RNFT2: variants seen among roughly 807,000 people sequenced by gnomAD.
The protein encoded by RNFT2 is E3 ubiquitin-protein ligase RNFT2.
RNFT2 carries 36 observed loss-of-function variants against 53.0 expected under a neutral mutation model. The ratio of observed to expected loss-of-function variants is 0.68; its 90% CI spans 0.52 to 0.90. The LOEUF (loss-of-function observed/expected upper bound fraction) is 0.90, where lower values mean the gene tolerates loss of function less well. Among genes scored for constraint, RNFT2 ranks in the 40% least tolerant of loss-of-function variants. The pLI is 0.00. For synonymous variants in RNFT2, 260 were observed against 253.2 expected (o/e 1.03, Z -0.26); for missense variants, 514 against 585.6 (o/e 0.88, Z 1.26).
At chr12:116,804,912 A>T (rs994198044) in intron 7 of RNFT2, among the ~76,000 whole-genome samples, 1 of 152,196 alleles carries the variant, frequency 6.6e-6, no homozygotes, top group Admixed American at 6.5e-5. Context: ...GGCTGCAGTG[A>T]TCCACGATTA....
At chr12:116,776,116 T>C (rs1392241962) in intron 6 of RNFT2, among the ~76,000 whole-genome samples, 2 of 151,998 alleles carry the variant, frequency 1.3e-5, no homozygotes, top group African/African-American at 4.8e-5. Context: ...AATATATCAG[T>C]CCATTAAAGT....
At chr12:116,785,935 C>T (rs1164218301) in intron 7 of RNFT2, among the ~76,000 whole-genome samples, 2 of 151,912 alleles carry the variant, frequency 1.3e-5, no homozygotes, top group Non-Finnish European at 2.9e-5. Flanking sequence ...GACTGTAGTC[C>T]CAGCTACTCA....
intron 7 of RNFT2, among the ~76,000 whole-genome samples, chr12:116,822,205 T>C (rs1876074818): frequency 6.6e-6 from 1 of 152,074 alleles, no homozygotes; most frequent in African/African-American, 2.4e-5. Flanking sequence ...TCAGTCACAG[T>C]GCTGCCCCCA....
At chr12:116,794,904 T>C (rs1482243002) in intron 7 of RNFT2, among the ~76,000 whole-genome samples, 3 of 152,032 alleles carry the variant, frequency 2.0e-5, no homozygotes, top group African/African-American at 7.3e-5. Flanking sequence ...ATCCTGAGAA[T>C]ATAAAAGTGA....
At chr12:116,781,250 A>G (rs1873684157) in intron 7 of RNFT2, among the ~76,000 whole-genome samples, 1 of 152,010 alleles carries the variant, frequency 6.6e-6, no homozygotes, top group African/African-American at 2.4e-5. Flanking sequence ...TACACCCTCC[A>G]TCTTTCTCAC....
chr12:116,819,905 C>CA (rs1875920439), intron 7 of RNFT2, among the ~76,000 whole-genome samples: 1 of 152,164 alleles, frequency 6.6e-6, no homozygotes, highest in African/African-American at 2.4e-5. Flanking sequence ...TTCTAGTAGT[C>CA]ACGTTAAACA....
intron 7 of RNFT2, among the ~76,000 whole-genome samples, chr12:116,825,988 A>G (rs1346773224): frequency 1.3e-5 from 2 of 152,100 alleles, no homozygotes; most frequent in African/African-American, 4.8e-5. Flanking sequence ...ATACAGAAAA[A>G]AAAAGGTTTC....
chr12:116,744,916 G>A (rs537017253), intron 3 of RNFT2, among the ~76,000 whole-genome samples: 2 of 152,226 alleles, frequency 1.3e-5, no homozygotes, highest in East Asian at 1.9e-4. Context: ...AGAGAGAGTG[G>A]CCTCCTCATG....
chr12:116,825,593 A>T (rs1180406800), intron 7 of RNFT2, among the ~76,000 whole-genome samples: 1 of 152,316 alleles, frequency 6.6e-6, no homozygotes, highest in East Asian at 1.9e-4. Context: ...TTACATTTTC[A>T]TGAAATTTGC....
At chr12:116,820,887 C>T (rs1172944727) in intron 7 of RNFT2, among the ~76,000 whole-genome samples, 2 of 152,160 alleles carry the variant, frequency 1.3e-5, no homozygotes, top group Admixed American at 1.3e-4. Flanking sequence ...AACCGAGAAA[C>T]TCATCACTAA....
rs182989275 is a variant in RNFT2 at position 116,835,317 on chromosome 12, A to G, written c.1033-643A>G. Among the ~76,000 whole-genome samples the G allele has an allele frequency of 2.0e-5, 3 of 152,240 alleles. No homozygotes were observed. In the East Asian group the frequency reaches 5.8e-4, roughly 29 times the overall value. Reference sequence around the variant, plus strand: ...ACCACACTTCTACTGAATGTTTTCTATCTCTCTTACCTCAAAAATAGTATC... The same window carrying G: ...ACCACACTTCTACTGAATGTTTTCTGTCTCTCTTACCTCAAAAATAGTATC... On this transcript the variant is annotated intron_variant, in intron 8 of 10. Coordinates refer to ENST00000257575, the MANE Select transcript of RNFT2 (RefSeq NM_001382266.1).
At chr12:116,818,733 T>C (rs1337249024) in intron 7 of RNFT2, among the ~76,000 whole-genome samples, 1 of 152,238 alleles carries the variant, frequency 6.6e-6, no homozygotes, top group Non-Finnish European at 1.5e-5. Context: ...TCAAGTCACC[T>C]GGGTACAAGT....
At chr12:116,840,657 C>T (rs1877203462) in intron 10 of RNFT2, among the ~76,000 whole-genome samples, 1 of 152,178 alleles carries the variant, frequency 6.6e-6, no homozygotes, top group African/African-American at 2.4e-5. Context: ...CCAACAATAT[C>T]CTAGGCACTA....
chr12:116,768,894 C>A (rs1873044540), intron 6 of RNFT2, among the ~76,000 whole-genome samples: 1 of 151,876 alleles, frequency 6.6e-6, no homozygotes, highest in African/African-American at 2.4e-5. Flanking sequence ...CTACGCCCGG[C>A]TAATTTTTGT....
Position 116,819,737 on chromosome 12 carries a change from C to A in RNFT2, c.883-14055C>A, listed in dbSNP as rs193040393. Among the ~76,000 whole-genome samples, 32 of 152,270 alleles carry A rather than the reference C, an allele frequency of 2.1e-4. No homozygotes were observed. The East Asian group carries it at 6.0e-3, about 28-fold the overall frequency. ...GGCTCGCCCTTCTCTTGCCTTTTTT[C>A]CTTTTTCTTTTGTATTGAGGCATAA... On this transcript the variant is annotated intron_variant, in intron 7 of 10. Transcript: ENST00000257575.
chr12:116,807,539 T>C (rs996806262), intron 7 of RNFT2, among the ~76,000 whole-genome samples: 12 of 152,140 alleles, frequency 7.9e-5, no homozygotes, highest in African/African-American at 2.7e-4. Context: ...GGTATGTAAA[T>C]GACAGGGCTT....
intron 7 of RNFT2, among the ~76,000 whole-genome samples, chr12:116,797,535 T>G (rs11837091): frequency 0.096 from 14,064 of 146,988 alleles, 1,508 homozygotes; most frequent in East Asian, 0.29. Context: ...AGCCTGTCTA[T>G]CTCAAAAAAA....
At chr12:116,767,393 A>AT (rs887133009) in intron 6 of RNFT2, among the ~76,000 whole-genome samples, 35 of 151,616 alleles carry the variant, frequency 2.3e-4, no homozygotes, top group African/African-American at 7.5e-4. Flanking sequence ...TAATTTTTAC[A>AT]TTTTTTGTAG....
intron 7 of RNFT2, among the ~76,000 whole-genome samples, chr12:116,817,089 C>T (rs1426602482): frequency 2.6e-5 from 4 of 152,146 alleles, no homozygotes; most frequent in Non-Finnish European, 4.4e-5. Flanking sequence ...CGCAGCTCAC[C>T]GCAACCTCCA....
Sources: gnomAD v4.1 joint callset for allele counts (sites outside exome capture counted in the v4.1 genomes callset) on GRCh38, gnomAD v4.1.1 for gene constraint, MANE v1.5 for transcripts, NCBI Gene and HGNC (gene_info 2026-07-23, HGNC 2026-07-21) for gene names.